The following TTC28 variants were observed in gnomAD, a reference collection of about 807,000 sequenced individuals.
The protein encoded by TTC28 is tetratricopeptide repeat protein 28.
In TTC28, 61 loss-of-function variants were observed where a neutral mutation model predicts 198.0. The ratio of observed to expected loss-of-function variants is 0.31; its 90% CI spans 0.25 to 0.38. The LOEUF is 0.38. TTC28 is among the 10% of genes least tolerant of loss of function. The probability of loss-of-function intolerance (pLI) is 1.00; values close to 1 mark genes in which losing one functional copy is unlikely to be tolerated. For synonymous variants in TTC28, 1,171 were observed against 1,297.8 expected (o/e 0.90, Z 2.10); for missense variants, 2,678 against 3,164.0 (o/e 0.85, Z 3.69).
In TTC28 at chr22:28,311,617, G is replaced by T. The variant is rs544630077; in HGVS notation, c.382-4974C>A. Among the ~76,000 whole-genome samples, 4 of 151,748 alleles carry T rather than the reference G, an allele frequency of 2.6e-5. No individual in the cohort carries two copies. In the East Asian group the frequency reaches 7.8e-4, roughly 29 times the overall value. On this transcript the variant is annotated intron_variant, in intron 2 of 22. Transcript: ENST00000397906. The stretch of plus-strand genomic sequence containing the variant: ...CATAATAATCACATCAGAGTAAATG[G>T]GGTATCCATCACCACAAGCATTTAT...
chr22:28,443,345 A>G (rs1318242566), intron 2 of TTC28, among the ~76,000 whole-genome samples: 2 of 152,220 alleles, frequency 1.3e-5, no homozygotes, highest in Non-Finnish European at 2.9e-5. Flanking sequence ...AAGATTAGAC[A>G]AGCAATCAAA....
chr22:28,143,253 G>A (rs1408361668), intron 6 of TTC28, among the ~76,000 whole-genome samples: 1 of 152,192 alleles, frequency 6.6e-6, no homozygotes, highest in Non-Finnish European at 1.5e-5. Context: ...GAATGGATAG[G>A]TGAGTAAATG....
At chr22:28,299,400 A>T (rs970543336) in intron 3 of TTC28, among the ~76,000 whole-genome samples, 1 of 152,198 alleles carries the variant, frequency 6.6e-6, no homozygotes, top group South Asian at 2.1e-4. Flanking sequence ...GAAATCTTGA[A>T]ACCTGGAAAC....
chr22:28,397,499 AGAGTGAACAG>A (rs2046836543), intron 2 of TTC28, among the ~76,000 whole-genome samples: 1 of 152,246 alleles, frequency 6.6e-6, no homozygotes. Flanking sequence ...GCACAGGCAG[AGAGTGAACAG>A]CTCTTACAGC....
chr22:28,215,609 GGTGT>G (rs922819817), intron 5 of TTC28, among the ~76,000 whole-genome samples: 3 of 151,854 alleles, frequency 2.0e-5, no homozygotes, highest in Non-Finnish European at 4.4e-5. Context: ...ATGCACACAT[GGTGT>G]GTGTGTGTAT....
Position 28,426,209 on chromosome 22 carries a change from G to A in TTC28, c.382-119566C>T, listed in dbSNP as rs868589479. On this transcript the variant is annotated intron_variant, in intron 2 of 22. Transcript: ENST00000397906. ...CCTGGGTGACAGAGTGAGACTCCAC[G>A]TCAAAAAAAAAAAAAAAAAAAAGAA... Among the ~76,000 whole-genome samples, 55 of 94,374 alleles carry A rather than the reference G, an allele frequency of 5.8e-4. No homozygotes were observed. The South Asian group carries it at 0.02, about 35-fold the overall frequency. 61.9% of individuals were successfully genotyped at this position (94,374 alleles called of 152,430 possible). A position where few individuals can be genotyped will look rare whatever the true frequency, so the allele number is the denominator to read the frequency against.
chr22:28,216,816 G>A (rs1415157993), intron 5 of TTC28, among the ~76,000 whole-genome samples: 1 of 151,984 alleles, frequency 6.6e-6, no homozygotes, highest in Non-Finnish European at 1.5e-5. Flanking sequence ...CAATCTCCCA[G>A]GCACAAGTGA....
chr22:28,275,350 T>C (rs954632516), intron 5 of TTC28, among the ~76,000 whole-genome samples: 7 of 152,192 alleles, frequency 4.6e-5, no homozygotes, highest in East Asian at 3.8e-4. Context: ...GACCACTACA[T>C]AGTTTGTGAT....
At chr22:28,136,890 C>T (rs1318287684) in intron 6 of TTC28, among the ~76,000 whole-genome samples, 1 of 152,102 alleles carries the variant, frequency 6.6e-6, no homozygotes. Context: ...TATGTCTTTG[C>T]CGAGGAAGCT....
At chr22:28,386,012 C>T (rs1303053296) in intron 2 of TTC28, among the ~76,000 whole-genome samples, 2 of 151,984 alleles carry the variant, frequency 1.3e-5, no homozygotes, top group African/African-American at 4.8e-5. Flanking sequence ...CGCGGTGGCT[C>T]ACGCCTGTAA....
chr22:28,423,792 T>C lies in TTC28; in HGVS notation c.382-117149A>G, dbSNP rs139338017. Among the ~76,000 whole-genome samples, 86 of 152,326 alleles carry C rather than the reference T, an allele frequency of 5.6e-4. No homozygotes were observed. In the East Asian group the frequency reaches 6.8e-3, roughly 12 times the overall value. ...ACTAGCAGTAATCCAAATGTGGGCA[T>C]AGTTATAAAATGGTTTGATATGAGG... On this transcript the variant is annotated intron_variant, in intron 2 of 22. Coordinates refer to ENST00000397906, the MANE Select transcript of TTC28 (RefSeq NM_001145418.2).
At chr22:28,566,882 G>A (rs1396803999) in intron 2 of TTC28, among the ~76,000 whole-genome samples, 1 of 152,010 alleles carries the variant, frequency 6.6e-6, no homozygotes, top group East Asian at 1.9e-4. Flanking sequence ...CCAGGAGTTC[G>A]AGACCAGCCT....
intron 2 of TTC28, among the ~76,000 whole-genome samples, chr22:28,481,792 C>T (rs1376318098): frequency 1.3e-5 from 2 of 152,104 alleles, no homozygotes; most frequent in Non-Finnish European, 2.9e-5. Context: ...GCAATACTTC[C>T]AGCCAATTAA....
At chr22:28,298,252 C>T (rs1255043670) in intron 3 of TTC28, among the ~76,000 whole-genome samples, 1 of 152,196 alleles carries the variant, frequency 6.6e-6, no homozygotes, top group Non-Finnish European at 1.5e-5. Flanking sequence ...CAAACTTGTG[C>T]TGCATTTTAA....
At chr22:28,363,230 C>T (rs990359794) in intron 2 of TTC28, among the ~76,000 whole-genome samples, 1 of 152,140 alleles carries the variant, frequency 6.6e-6, no homozygotes, top group Non-Finnish European at 1.5e-5. Context: ...TGCCCTGTGT[C>T]CCAGCCGCTC....
intron 5 of TTC28, among the ~76,000 whole-genome samples, chr22:28,278,392 T>C (rs1455032768): frequency 2.6e-5 from 4 of 152,200 alleles, no homozygotes; most frequent in African/African-American, 7.2e-5. Context: ...ATTCTATAAA[T>C]TGTATCATTA....
intron 6 of TTC28, among the ~76,000 whole-genome samples, chr22:28,120,564 T>G (rs1942758117): frequency 6.6e-6 from 1 of 152,086 alleles, no homozygotes; most frequent in Non-Finnish European, 1.5e-5. Flanking sequence ...GCTACAGAAT[T>G]CAACTGTGCA....
At chr22:28,605,225 A>C (rs535977174) in intron 2 of TTC28, among the ~76,000 whole-genome samples, 1 of 152,348 alleles carries the variant, frequency 6.6e-6, no homozygotes, top group East Asian at 1.9e-4. Context: ...ATGGACTGTA[A>C]CATTACTTTA....
rs150028259 is a variant in TTC28 at position 28,047,450 on chromosome 22, G to A, written c.3933-17084C>T. 9.6e-4 allele frequency among the ~76,000 whole-genome samples: 146 copies of A among 152,316 alleles called. 1 individual carries two copies. The highest frequency in any genetic ancestry group is 3.2e-3 in the African/African-American group (134 of 41,576). ...AAGTCACCTGGAGAGGCCATAGAAGGTGCACAGCCAGACGCCAAGGGCTGA... is the reference window on the plus strand; with the variant it reads ...AAGTCACCTGGAGAGGCCATAGAAGATGCACAGCCAGACGCCAAGGGCTGA... On this transcript the variant is annotated intron_variant, in intron 12 of 22. Transcript: ENST00000397906.
Sources: allele counts gnomAD v4.1 joint callset (sites outside exome capture counted in the v4.1 genomes callset), GRCh38; gene constraint gnomAD v4.1.1; transcripts MANE v1.5; gene names NCBI Gene and HGNC (gene_info 2026-07-23, HGNC 2026-07-21).